The following BABAM2 variants were observed in gnomAD, a reference collection of about 807,000 sequenced individuals.
BABAM2 encodes BRISC and BRCA1-A complex member 2.
A neutral mutation model predicts 54.7 loss-of-function variants in BABAM2; 31 were observed. That is an observed-to-expected ratio of 0.57 (90% CI 0.43 to 0.77). The LOEUF (loss-of-function observed/expected upper bound fraction) is 0.77. BABAM2 is among the 30% of genes least tolerant of loss of function. BABAM2 has a pLI of 0.00. For synonymous variants in BABAM2, 167 were observed against 162.9 expected (o/e 1.03, Z -0.19); for missense variants, 364 against 455.8 (o/e 0.80, Z 1.83).
At chr2:28,026,971 AAT>A (rs1200500932) in intron 5 of BABAM2, among the ~76,000 whole-genome samples, 3 of 86,916 alleles carry the variant, frequency 3.5e-5, no homozygotes, top group Non-Finnish European at 1.9e-5. Flanking sequence ...TATATATATA[AAT>A]ATATAAATAT....
intron 7 of BABAM2, among the ~76,000 whole-genome samples, chr2:28,199,186 C>T (rs1163265327): frequency 6.6e-6 from 1 of 152,216 alleles, no homozygotes; most frequent in Non-Finnish European, 1.5e-5. Flanking sequence ...AAGTGCTGTG[C>T]CAGTTGGTGT....
chr2:27,889,540 G>C (rs1388887667), upstream of BABAM2, among the ~76,000 whole-genome samples: 1 of 152,042 alleles, frequency 6.6e-6, no homozygotes, highest in African/African-American at 2.4e-5. Flanking sequence ...TTAAAAAAAA[G>C]AAAAATCAGA....
chr2:28,208,511 G>A (rs1309351306), intron 7 of BABAM2, among the ~76,000 whole-genome samples: 1 of 152,194 alleles, frequency 6.6e-6, no homozygotes, highest in Non-Finnish European at 1.5e-5. Flanking sequence ...GGGGTGCCCT[G>A]AGGCACTGCC....
chr2:28,000,584 G>A (rs911406823), intron 4 of BABAM2, among the ~76,000 whole-genome samples: 1 of 152,142 alleles, frequency 6.6e-6, no homozygotes, highest in Admixed American at 6.5e-5. Flanking sequence ...TACTATGGAA[G>A]GGTCTCACTG....
In BABAM2 at chr2:28,150,138, A is replaced by C. The variant is rs539810252; in HGVS notation, c.680+20758A>C. Among the ~76,000 whole-genome samples the C allele has an allele frequency of 2.2e-4, 33 of 152,302 alleles. 1 individual carries two copies. The South Asian group carries it at 5.8e-3, about 27-fold the overall frequency. ...TGCTTTGCATATAGAATCTCATTTCATCCTTGCAAAAACCTTGTGGAGTAG... is the reference window on the plus strand; with the variant it reads ...TGCTTTGCATATAGAATCTCATTTCCTCCTTGCAAAAACCTTGTGGAGTAG... On this transcript the variant is annotated intron_variant, in intron 7 of 11. Coordinates refer to ENST00000379624, the MANE Select transcript of BABAM2 (RefSeq NM_199191.3).
At chr2:28,163,684 A>AGG (rs996613399) in intron 7 of BABAM2, among the ~76,000 whole-genome samples, 3 of 152,198 alleles carry the variant, frequency 2.0e-5, no homozygotes, top group African/African-American at 7.2e-5. Flanking sequence ...GGTAAGGGTG[A>AGG]GGCAATCTGT....
intron 5 of BABAM2, among the ~76,000 whole-genome samples, chr2:28,026,831 TAAATATATATAAATATATA>T (rs1313692959): frequency 4.6e-4 from 24 of 52,562 alleles, no homozygotes; most frequent in African/African-American, 1.7e-3. Flanking sequence ...TTTATATATA[TAAATATATATAAATATATA>T]TTTATATATA....
chr2:28,282,997 CAAAAAAAAAA>C (rs370484850), intron 10 of BABAM2, among the ~76,000 whole-genome samples: 3 of 71,940 alleles, frequency 4.2e-5, no homozygotes, highest in East Asian at 3.7e-4. Context: ...GACTCCGTCC[CAAAAAAAAAA>C]AAAAAAAAAA....
intron 6 of BABAM2, among the ~76,000 whole-genome samples, chr2:28,089,384 G>A (rs1665967094): frequency 6.6e-6 from 1 of 152,150 alleles, no homozygotes; most frequent in South Asian, 2.1e-4. Flanking sequence ...CTCTTTCTCT[G>A]CTAGCACTAG....
At chr2:28,134,137 A>G (rs1449998670) in intron 7 of BABAM2, among the ~76,000 whole-genome samples, 1 of 151,588 alleles carries the variant, frequency 6.6e-6, no homozygotes, top group Non-Finnish European at 1.5e-5. Context: ...ACCAAAACCA[A>G]TCCGTTGAAT....
intron 2 of BABAM2, chr2:27,895,158 T>C (rs1269582370): frequency 6.6e-6 from 1 of 152,498 alleles, no homozygotes; most frequent in Non-Finnish European, 1.5e-5. Flanking sequence ...AAAACAGATT[T>C]TTTTTTTCCT....
intron 2 of BABAM2, among the ~76,000 whole-genome samples, chr2:27,903,221 C>A (rs1222840755): frequency 3.9e-5 from 6 of 152,196 alleles, no homozygotes; most frequent in Middle Eastern, 3.4e-3. Context: ...GTCAGTCAGC[C>A]TCACTGTCCT....
At chr2:27,948,356 C>T (rs1266774946) in intron 3 of BABAM2, among the ~76,000 whole-genome samples, 2 of 151,786 alleles carry the variant, frequency 1.3e-5, no homozygotes. Context: ...CATAAGATTT[C>T]CTACATAGAA....
intron 7 of BABAM2, among the ~76,000 whole-genome samples, chr2:28,192,925 C>A (rs945959182): frequency 4.6e-5 from 7 of 151,936 alleles, no homozygotes; most frequent in African/African-American, 1.7e-4. Flanking sequence ...GAAATCCCAG[C>A]ACTTTGGGAG....
chr2:28,317,063 G>T (rs1002293773), intron 11 of BABAM2, among the ~76,000 whole-genome samples: 5 of 152,128 alleles, frequency 3.3e-5, no homozygotes, highest in Admixed American at 3.3e-4. Context: ...TTGGCTGCAT[G>T]TCCTTCGGCA....
chr2:28,279,250 T>C (rs1686138459), intron 10 of BABAM2, among the ~76,000 whole-genome samples: 1 of 152,094 alleles, frequency 6.6e-6, no homozygotes, highest in Non-Finnish European at 1.5e-5. Context: ...AATAGGCGGC[T>C]TGGGAGGTGA....
chr2:28,035,475 A>C (rs1676598814), intron 5 of BABAM2, among the ~76,000 whole-genome samples: 1 of 152,068 alleles, frequency 6.6e-6, no homozygotes, highest in Non-Finnish European at 1.5e-5. Context: ...TTATGTCCTG[A>C]TGGCATTTGA....
intron 6 of BABAM2, among the ~76,000 whole-genome samples, chr2:28,075,528 TTCTC>T (rs3056389): frequency 0.046 from 6,925 of 150,300 alleles, 498 homozygotes; most frequent in African/African-American, 0.16. Context: ...CATCACGTTT[TTCTC>T]TCTCTCTCTC....
chr2:28,103,193 C>T lies in BABAM2; in HGVS notation c.571-26078C>T, dbSNP rs148180846. 4.0e-5 allele frequency among the ~76,000 whole-genome samples: 6 copies of T among 151,646 alleles called. No homozygotes were observed. The East Asian group carries it at 1.2e-3, about 29-fold the overall frequency. ...AAGCTTCTCAAAGTTCTAGTAAGGC[C>T]TTATAGCCAGTGTTCCAGATGGATG... On this transcript the variant is annotated intron_variant, in intron 6 of 11. Transcript: ENST00000379624.
Sources: gnomAD v4.1 joint callset for allele counts (sites outside exome capture counted in the v4.1 genomes callset) on GRCh38, gnomAD v4.1.1 for gene constraint, MANE v1.5 for transcripts, NCBI Gene and HGNC (gene_info 2026-07-23, HGNC 2026-07-21) for gene names.